PCDH7: variants seen among roughly 807,000 people sequenced by gnomAD.
PCDH7 encodes the protein protocadherin 7.
A neutral mutation model predicts 58.9 loss-of-function variants in PCDH7; 17 were observed. The observed-to-expected ratio is 0.29, with a 90% CI of 0.20 to 0.43. The LOEUF (loss-of-function observed/expected upper bound fraction) is 0.43. Ranked by LOEUF, PCDH7 falls within the 20% of genes least tolerant of loss-of-function variation. The pLI is 1.00. For synonymous variants in PCDH7, 664 were observed against 616.4 expected (o/e 1.08, Z -1.14); for missense variants, 1,274 against 1,441.0 (o/e 0.88, Z 1.88).
intron 3 of PCDH7, among the ~76,000 whole-genome samples, chr4:31,126,539 A>T (rs980400972): frequency 6.6e-6 from 1 of 152,140 alleles, no homozygotes; most frequent in Non-Finnish European, 1.5e-5. Context: ...TTAATCCTGG[A>T]AACTTCTTGC....
intron 3 of PCDH7, among the ~76,000 whole-genome samples, chr4:31,084,058 C>G (rs1578751941): frequency 6.6e-6 from 1 of 152,204 alleles, no homozygotes; most frequent in South Asian, 2.1e-4. Context: ...CAAAGAATAC[C>G]TATTATTCAG....
chr4:30,958,479 G>A (rs1430537883), intron 3 of PCDH7, among the ~76,000 whole-genome samples: 1 of 151,698 alleles, frequency 6.6e-6, no homozygotes, highest in Admixed American at 6.6e-5. Flanking sequence ...AATAACTTAA[G>A]GTGATTCAAA....
intron 3 of PCDH7, among the ~76,000 whole-genome samples, chr4:31,097,737 TA>T (rs1322839718): frequency 6.6e-6 from 1 of 150,530 alleles, no homozygotes; most frequent in Non-Finnish European, 1.5e-5. Flanking sequence ...AAGTATAATT[TA>T]AAAACCAGCT....
At chr4:31,096,767 G>A (rs1057260670) in intron 3 of PCDH7, among the ~76,000 whole-genome samples, 2 of 152,016 alleles carry the variant, frequency 1.3e-5, no homozygotes, top group Non-Finnish European at 2.9e-5. Context: ...GCAGATTCTG[G>A]GATCCTTGCT....
At chr4:31,044,830 G>T (rs530101194) in intron 3 of PCDH7, among the ~76,000 whole-genome samples, 4 of 152,068 alleles carry the variant, frequency 2.6e-5, no homozygotes, top group Admixed American at 2.6e-4. Context: ...TCCTTTTCAG[G>T]AGGAGGGAGA....
Position 31,020,531 on chromosome 4 carries a change from C to T in PCDH7, c.*7+70316C>T, listed in dbSNP as rs79255231. Among the ~76,000 whole-genome samples the T allele has an allele frequency of 2.8e-3, 421 of 152,268 alleles. 2 individuals are homozygous for T. Among genetic ancestry groups the T allele is most frequent in the African/African-American group, 8.4e-3 (350 of 41,542 alleles). On this transcript the variant is annotated intron_variant, in intron 3 of 3. Coordinates refer to the PCDH7 transcript ENST00000509759. ...TGCACTGTAAACTTCGGAGTCACTG[C>T]GGTTGTTAAGCCCTCTTAAGCTCTT...
intron 1 of PCDH7, among the ~76,000 whole-genome samples, chr4:30,752,369 C>T (rs2109259542): frequency 6.6e-6 from 1 of 152,162 alleles, no homozygotes; most frequent in Admixed American, 6.5e-5. Context: ...GCTTCTTTGG[C>T]ATGATGGAGC....
At chr4:31,071,578 C>G (rs1758548539) in intron 3 of PCDH7, among the ~76,000 whole-genome samples, 1 of 151,944 alleles carries the variant, frequency 6.6e-6, no homozygotes, top group African/African-American at 2.4e-5. Context: ...ATTCTGTTTG[C>G]TTTTGATGTT....
intron 3 of PCDH7, among the ~76,000 whole-genome samples, chr4:31,133,740 C>T (rs1719258520): frequency 6.6e-6 from 1 of 152,116 alleles, no homozygotes; most frequent in Non-Finnish European, 1.5e-5. Flanking sequence ...CATGTGCCAG[C>T]CAGCAGATTC....
chr4:31,141,409 T>C (rs531818600), intron 3 of PCDH7, among the ~76,000 whole-genome samples: 46 of 152,356 alleles, frequency 3.0e-4, no homozygotes, highest in Non-Finnish European at 5.3e-4. Context: ...ATAAAACATT[T>C]TAAATAAAAC....
intron 3 of PCDH7, among the ~76,000 whole-genome samples, chr4:31,093,517 A>T (rs1479085162): frequency 6.6e-6 from 1 of 152,102 alleles, no homozygotes; most frequent in Non-Finnish European, 1.5e-5. Context: ...TTCTTGAACA[A>T]CATAAGGCCC....
chr4:31,074,734 G>A (rs1487928875), intron 3 of PCDH7, among the ~76,000 whole-genome samples: 4 of 127,908 alleles, frequency 3.1e-5, no homozygotes, highest in East Asian at 2.6e-4. Context: ...GCAGTGAGCC[G>A]AGATCACACC....
intron 3 of PCDH7, among the ~76,000 whole-genome samples, chr4:31,060,653 C>T (rs1467601806): frequency 6.6e-6 from 1 of 151,750 alleles, no homozygotes; most frequent in African/African-American, 2.4e-5. Flanking sequence ...AAAACCTAAA[C>T]ATATTCAATT....
intron 3 of PCDH7, among the ~76,000 whole-genome samples, chr4:31,101,801 T>G (rs575146721): frequency 6.6e-6 from 1 of 152,356 alleles, no homozygotes; most frequent in East Asian, 1.9e-4. Context: ...GCGAAGCATA[T>G]TGAGTGATTT....
At chr4:31,005,660 C>A (rs1321911048) in intron 3 of PCDH7, among the ~76,000 whole-genome samples, 1 of 151,984 alleles carries the variant, frequency 6.6e-6, no homozygotes, top group East Asian at 1.9e-4. Context: ...AGATTTTAAC[C>A]GTTTTGCAAG....
intron 3 of PCDH7, among the ~76,000 whole-genome samples, chr4:31,091,821 G>A (rs1435739863): frequency 6.6e-6 from 1 of 151,926 alleles, no homozygotes; most frequent in Non-Finnish European, 1.5e-5. Flanking sequence ...TTACAACTTA[G>A]AAACATAGGG....
chr4:31,042,429 GA>G (rs1755947541), intron 3 of PCDH7, among the ~76,000 whole-genome samples: 2 of 151,902 alleles, frequency 1.3e-5, no homozygotes, highest in Non-Finnish European at 2.9e-5. Flanking sequence ...TGATTTTTTT[GA>G]TGAACAGTGT....
In PCDH7 at chr4:30,722,514, C is replaced by G. The variant is rs1440902309; in HGVS notation, c.1092C>G (p.Ser364=). ...GGCTGCTGCGCCTTGACGAGACGTC[C>G]GGCTGGCTCAGCGTCCTGCACCGGA... The change falls in exon 1 of 2, where the codon TCC becomes TCG. Residue 364 remains serine, a synonymous_variant. Transcript: ENST00000361762. This position sits in a 1 kb window ranked among gnomAD's most constrained non-coding sequence, Gnocchi z 7.6. The G allele has an allele frequency of 3.7e-6, 6 of 1,610,086 alleles. No individual in the cohort carries two copies. The highest frequency in any genetic ancestry group is 4.5e-5 in the East Asian group (2 of 44,808).
intron 1 of PCDH7, among the ~76,000 whole-genome samples, chr4:30,742,940 G>T (rs1717272517): frequency 1.3e-5 from 2 of 152,102 alleles, no homozygotes; most frequent in African/African-American, 4.8e-5. Flanking sequence ...ATTTATTTTA[G>T]TCTTGATCTC....
Sources: gnomAD v4.1 joint callset for allele counts (sites outside exome capture counted in the v4.1 genomes callset) on GRCh38, gnomAD v4.1.1 for gene constraint, Gnocchi (gnomAD v3.1) non-coding constraint, MANE v1.5 for transcripts, NCBI Gene and HGNC (gene_info 2026-07-23, HGNC 2026-07-21) for gene names.